The following LIMS1 variants were observed in gnomAD, a reference collection of about 807,000 sequenced individuals.
LIMS1 encodes LIM zinc finger domain containing 1, also known as LIM and senescent cell antigen-like-containing domain protein 1.
A neutral mutation model predicts 44.1 loss-of-function variants in LIMS1; 18 were observed. That is an observed-to-expected ratio of 0.41 (90% CI 0.28 to 0.61). LIMS1 has a LOEUF of 0.61. Ranked by LOEUF, LIMS1 falls within the 20% of genes least tolerant of loss-of-function variation. The pLI is 0.32. For synonymous variants in LIMS1, 93 were observed against 149.1 expected (o/e 0.62, Z 2.74); for missense variants, 201 against 422.0 (o/e 0.48, Z 4.59).
At chr2:108,623,081 GTGATGTA>G (rs1459649642) in intron 1 of LIMS1, among the ~76,000 whole-genome samples, 1 of 151,222 alleles carries the variant, frequency 6.6e-6, no homozygotes, top group African/African-American at 2.4e-5. Context: ...ACCCATTCTG[GTGATGTA>G]GTTATCTGGT....
At chr2:108,647,001 A>G (rs1095557) in intron 1 of LIMS1, among the ~76,000 whole-genome samples, 127,029 of 152,160 alleles carry the variant, frequency 0.83, 53,352 homozygotes, top group East Asian at 0.99. Flanking sequence ...GATTACAGGC[A>G]TGAGTCACCG....
At chr2:108,593,860 C>T (rs1686531172) in intron 1 of LIMS1, among the ~76,000 whole-genome samples, 1 of 152,212 alleles carries the variant, frequency 6.6e-6, no homozygotes. Flanking sequence ...TAAAAGTCAA[C>T]ATTCAGTTTT....
intron 1 of LIMS1, among the ~76,000 whole-genome samples, chr2:108,615,347 C>T (rs929810887): frequency 6.6e-6 from 1 of 152,070 alleles, no homozygotes; most frequent in Non-Finnish European, 1.5e-5. Flanking sequence ...GTGAGATACC[C>T]TCTATTTTGC....
chr2:108,555,892 T>C (rs1684909973), intron 1 of LIMS1, among the ~76,000 whole-genome samples: 2 of 152,186 alleles, frequency 1.3e-5, no homozygotes, highest in South Asian at 2.1e-4. Context: ...ATCTGTAAAA[T>C]AGAATCCTAA....
At chr2:108,632,050 T>TA (rs1644462680) in intron 1 of LIMS1, among the ~76,000 whole-genome samples, 1 of 152,144 alleles carries the variant, frequency 6.6e-6, no homozygotes, top group Admixed American at 6.5e-5. Flanking sequence ...TGGCTCACTG[T>TA]AACCTCCACC....
intron 7 of LIMS1, among the ~76,000 whole-genome samples, chr2:108,677,125 AG>A (rs747793271): frequency 6.6e-6 from 1 of 152,234 alleles, no homozygotes; most frequent in Non-Finnish European, 1.5e-5. Flanking sequence ...TTGTCACTTG[AG>A]TCAATATCCT....
At chr2:108,556,019 T>G (rs1380379103) in intron 1 of LIMS1, among the ~76,000 whole-genome samples, 1 of 152,128 alleles carries the variant, frequency 6.6e-6, no homozygotes, top group Non-Finnish European at 1.5e-5. Context: ...TAACACAAAA[T>G]TTACCATCAT....
At chr2:108,670,945 A>C in intron 3 of LIMS1, 98 bp downstream of exon 3, 2 of 1,017,924 alleles carry the variant, frequency 2.0e-6, no homozygotes, top group Non-Finnish European at 3.1e-6. Flanking sequence ...CGGAGGGAGG[A>C]GGATCACCTG....
At chr2:108,544,184 T>C (rs1684408793) in intron 1 of LIMS1, among the ~76,000 whole-genome samples, 1 of 152,216 alleles carries the variant, frequency 6.6e-6, no homozygotes, top group East Asian at 1.9e-4. Context: ...TCAAATATTA[T>C]TGGATTCTTA....
intron 2 of LIMS1, among the ~76,000 whole-genome samples, chr2:108,665,195 G>A (rs1258985799): frequency 6.6e-6 from 1 of 152,190 alleles, no homozygotes; most frequent in Non-Finnish European, 1.5e-5. Context: ...CAAGTTCATT[G>A]TTGTGCAAAC....
intron 9 of LIMS1, among the ~76,000 whole-genome samples, chr2:108,683,404 A>G (rs1250165665): frequency 6.6e-6 from 1 of 152,120 alleles, no homozygotes; most frequent in African/African-American, 2.4e-5. Context: ...TTAGCCAGGC[A>G]TAGTAGTATG....
At chr2:108,653,105 G>T (rs2433804) in intron 1 of LIMS1, among the ~76,000 whole-genome samples, 2 of 151,820 alleles carry the variant, frequency 1.3e-5, no homozygotes, top group Admixed American at 6.6e-5. Context: ...GATTTTTAGG[G>T]TTCAAAGTAG....
chr2:108,674,317 G>A (rs1412526756), intron 5 of LIMS1, among the ~76,000 whole-genome samples: 4 of 151,766 alleles, frequency 2.6e-5, no homozygotes, highest in African/African-American at 4.8e-5. Context: ...GAGACAGAGC[G>A]TGACTCCATC....
intron 1 of LIMS1, among the ~76,000 whole-genome samples, chr2:108,656,318 T>TAG (rs1558831239): frequency 0.054 from 4,549 of 84,038 alleles, 80 homozygotes; most frequent in African/African-American, 0.08. Context: ...TCTATCTATC[T>TAG]ATAGATAGAT....
intron 1 of LIMS1, chr2:108,659,257 T>G (rs1343749447): frequency 1.0e-5 from 6 of 594,192 alleles, no homozygotes; most frequent in Non-Finnish European, 1.3e-5. Context: ...AAGCTACTTA[T>G]TAAGCTATAA....
chr2:108,635,495 A>G (rs1485586417), intron 1 of LIMS1, among the ~76,000 whole-genome samples: 2 of 150,892 alleles, frequency 1.3e-5, no homozygotes, highest in Non-Finnish European at 2.9e-5. Context: ...GGCGGGTGGA[A>G]TTCAAGACCA....
At chr2:108,547,595 G>C (rs1454146506) in intron 1 of LIMS1, among the ~76,000 whole-genome samples, 2 of 152,204 alleles carry the variant, frequency 1.3e-5, no homozygotes, top group Admixed American at 6.5e-5. Context: ...TAAAGCATAG[G>C]AATATAGGTT....
intron 1 of LIMS1, among the ~76,000 whole-genome samples, chr2:108,647,715 A>G (rs190874918): frequency 3.9e-5 from 6 of 152,338 alleles, no homozygotes; most frequent in Non-Finnish European, 7.3e-5. Flanking sequence ...GACAAAAACC[A>G]CATGATTATC....
intron 1 of LIMS1, among the ~76,000 whole-genome samples, chr2:108,543,136 CTT>C (rs1284396146): frequency 3.3e-5 from 5 of 152,128 alleles, no homozygotes; most frequent in East Asian, 3.9e-4. Flanking sequence ...TTAAAAAAGT[CTT>C]TTAGAAATTT....
Sources: gnomAD v4.1 joint callset for allele counts (sites outside exome capture counted in the v4.1 genomes callset) on GRCh38, gnomAD v4.1.1 for gene constraint, MANE v1.5 for transcripts, NCBI Gene and HGNC (gene_info 2026-07-23, HGNC 2026-07-21) for gene names.